Variants in KLF12 observed in about 807,000 individuals in gnomAD.
KLF12 encodes Krueppel-like factor 12.
A neutral mutation model predicts 37.8 loss-of-function variants in KLF12; 9 were observed. That is an observed-to-expected ratio of 0.24 (90% CI 0.14 to 0.42). The LOEUF is 0.42. Ranked by LOEUF, KLF12 falls within the 10% of genes least tolerant of loss-of-function variation. The pLI is 1.00. For synonymous variants in KLF12, 208 were observed against 202.1 expected (o/e 1.03, Z -0.25); for missense variants, 411 against 516.0 (o/e 0.80, Z 1.97).
intron 3 of KLF12, among the ~76,000 whole-genome samples, chr13:73,897,064 A>G (rs1594226028): frequency 6.6e-6 from 1 of 151,920 alleles, no homozygotes; most frequent in African/African-American, 2.4e-5. Context: ...TCACATTTAC[A>G]TACACCCATA....
chr13:74,209,494 T>C, the KLF12 span, among the ~76,000 whole-genome samples: 1 of 150,034 alleles, frequency 6.7e-6, no homozygotes, highest in East Asian at 2.0e-4. Context: ...AATTTTTGTA[T>C]AAAAGAATGA....
intron 4 of KLF12, among the ~76,000 whole-genome samples, chr13:73,830,925 T>C (rs1884116224): frequency 6.7e-6 from 1 of 149,616 alleles, no homozygotes; most frequent in Non-Finnish European, 1.5e-5. Context: ...GCTAAAGAAA[T>C]GAAAATACAT....
chr13:74,032,556 T>C (rs2138491767), intron 1 of KLF12, among the ~76,000 whole-genome samples: 1 of 152,292 alleles, frequency 6.6e-6, no homozygotes, highest in Admixed American at 6.5e-5. Context: ...GCGTTCAGTG[T>C]CAACTCAACG....
intron 5 of KLF12, among the ~76,000 whole-genome samples, chr13:73,793,427 A>T (rs1425919067): frequency 6.6e-6 from 1 of 152,232 alleles, no homozygotes; most frequent in Admixed American, 6.5e-5. Flanking sequence ...TAAGACCTAG[A>T]CATCTATAGG....
At chr13:74,017,136 A>T (rs570771654) in intron 1 of KLF12, among the ~76,000 whole-genome samples, 2 of 152,078 alleles carry the variant, frequency 1.3e-5, no homozygotes, top group Admixed American at 6.5e-5. Context: ...TACTGTGTGT[A>T]TATCTTCATT....
At chr13:73,772,722 G>A (rs974027198) in intron 5 of KLF12, among the ~76,000 whole-genome samples, 1 of 152,124 alleles carries the variant, frequency 6.6e-6, no homozygotes, top group Admixed American at 6.5e-5. Context: ...TTTCAAGATT[G>A]GAACTGGCAC....
At chr13:74,160,096 T>C in the KLF12 span, among the ~76,000 whole-genome samples, 1 of 151,700 alleles carries the variant, frequency 6.6e-6, no homozygotes, top group African/African-American at 2.4e-5. Context: ...GGTAAATTAA[T>C]AAATTGGCAA....
intron 1 of KLF12, among the ~76,000 whole-genome samples, chr13:74,004,715 T>C (rs1387067821): frequency 6.6e-6 from 1 of 152,182 alleles, no homozygotes; most frequent in Non-Finnish European, 1.5e-5. Context: ...ATATTCCAAA[T>C]CTGAGATTAT....
In KLF12 at chr13:73,751,776, G is replaced by A. The variant is rs191551378; in HGVS notation, c.869+13162C>T. Among the ~76,000 whole-genome samples, 26 of 152,220 alleles carry A rather than the reference G, an allele frequency of 1.7e-4. No individual in the cohort carries two copies. The East Asian group carries it at 4.5e-3, about 26-fold the overall frequency. On this transcript the variant is annotated intron_variant, in intron 6 of 7. Transcript: ENST00000377669. ...AAAATGGGCCCTCATATATTAAGAC[G>A]TATTTATTCAGTTGAAGTCAGATAT... is the stretch of plus-strand genomic sequence containing the variant.
At chr13:74,148,556 G>A in the KLF12 span, among the ~76,000 whole-genome samples, 1 of 127,304 alleles carries the variant, frequency 7.9e-6, no homozygotes, top group South Asian at 2.4e-4. Flanking sequence ...ATTAACTCTA[G>A]TGTTTAAACT....
At chr13:74,043,682 T>A (rs980090402) in intron 1 of KLF12, among the ~76,000 whole-genome samples, 1 of 152,234 alleles carries the variant, frequency 6.6e-6, no homozygotes, top group African/African-American at 2.4e-5. Context: ...AATTTAAGTT[T>A]TTCCCTTAGA....
chr13:73,818,735 T>G (rs1353472653), intron 4 of KLF12, among the ~76,000 whole-genome samples: 2 of 152,258 alleles, frequency 1.3e-5, no homozygotes, highest in Non-Finnish European at 1.5e-5. Context: ...ACTGAATCCC[T>G]TCACCTCCAC....
intron 3 of KLF12, among the ~76,000 whole-genome samples, chr13:73,847,010 A>G (rs912789486): frequency 3.3e-5 from 5 of 152,156 alleles, no homozygotes; most frequent in African/African-American, 1.2e-4. Context: ...TTTAATCTGA[A>G]ATAATGATGA....
the KLF12 span, chr13:74,259,196 G>A: frequency 6.6e-6 from 1 of 152,228 alleles, no homozygotes; most frequent in Non-Finnish European, 1.5e-5. Context: ...ATGCCAAGGG[G>A]ATTTGGGCAG....
chr13:73,728,812 T>C (rs1876852342), intron 6 of KLF12, among the ~76,000 whole-genome samples: 1 of 152,222 alleles, frequency 6.6e-6, no homozygotes, highest in African/African-American at 2.4e-5. Context: ...TTGCTTGTAA[T>C]TTGTTGAAGG....
At chr13:74,192,094 A>G in the KLF12 span, among the ~76,000 whole-genome samples, 1 of 152,124 alleles carries the variant, frequency 6.6e-6, no homozygotes, top group Non-Finnish European at 1.5e-5. Flanking sequence ...CAAACTGATG[A>G]GCTCTTTGAG....
chr13:73,964,915 C>G (rs1891132662), intron 2 of KLF12, among the ~76,000 whole-genome samples: 1 of 152,142 alleles, frequency 6.6e-6, no homozygotes. Context: ...TATGACATTC[C>G]AAGGAAGCCA....
chr13:74,237,391 G>C, the KLF12 span, among the ~76,000 whole-genome samples: 708 of 144,188 alleles, frequency 4.9e-3, 12 homozygotes, highest in African/African-American at 0.019. Context: ...CTCCAGCTTT[G>C]TTCTTTTGGC....
chr13:74,026,834 C>T (rs1007991014), intron 1 of KLF12, among the ~76,000 whole-genome samples: 2 of 152,164 alleles, frequency 1.3e-5, no homozygotes, highest in Non-Finnish European at 2.9e-5. Flanking sequence ...GAAAAAGATT[C>T]CAGGGCCCCA....
Sources: allele counts gnomAD v4.1 joint callset (sites outside exome capture counted in the v4.1 genomes callset), GRCh38; gene constraint gnomAD v4.1.1; transcripts MANE v1.5; gene names NCBI Gene and HGNC (gene_info 2026-07-23, HGNC 2026-07-21).